The following TAFA2 variants were observed in gnomAD, a reference collection of about 807,000 sequenced individuals.
The protein encoded by TAFA2 is chemokine-like protein TAFA-2.
TAFA2 carries 7 observed loss-of-function variants against 18.8 expected under a neutral mutation model. The ratio of observed to expected loss-of-function variants is 0.37; its 90% CI spans 0.21 to 0.70. The LOEUF is 0.70. Among genes scored for constraint, TAFA2 ranks in the 30% least tolerant of loss-of-function variants. The pLI, the probability that TAFA2 is intolerant of heterozygous loss-of-function variation, is 0.53. For synonymous variants in TAFA2, 60 were observed against 54.2 expected (o/e 1.11, Z -0.47); for missense variants, 122 against 158.1 (o/e 0.77, Z 1.23).
intron 1 of TAFA2, among the ~76,000 whole-genome samples, chr12:62,166,250 G>A (rs934346053): frequency 9.2e-5 from 14 of 151,920 alleles, no homozygotes; most frequent in African/African-American, 3.1e-4. Flanking sequence ...GGCATAAATG[G>A]AAAATTTGAC....
At chr12:62,243,225 T>G (rs754911320) in intron 1 of TAFA2, among the ~76,000 whole-genome samples, 1 of 152,216 alleles carries the variant, frequency 6.6e-6, no homozygotes, top group African/African-American at 2.4e-5. Flanking sequence ...AATGTTTGAA[T>G]GTCAGGCTGC....
intron 1 of TAFA2, among the ~76,000 whole-genome samples, chr12:61,980,556 A>C (rs1246189494): frequency 6.6e-6 from 1 of 152,034 alleles, no homozygotes; most frequent in East Asian, 1.9e-4. Flanking sequence ...ATTTAGAAAA[A>C]CCCATCGTCT....
rs533575478 is a variant in TAFA2 at position 61,812,208 on chromosome 12, T to G, written c.106+55112A>C. ...AAAGCTTACTCTTACAAGAATAACT[T>G]AAACTCCCTCTGAAGGAAACTCCTA... On this transcript the variant is annotated intron_variant, in intron 2 of 4. Transcript: ENST00000416284. Among the ~76,000 whole-genome samples, 6 of 151,406 alleles carry G rather than the reference T, an allele frequency of 4.0e-5. 1 individual carries two copies. Among genetic ancestry groups the G allele is most frequent in the African/African-American group, 1.5e-4 (6 of 40,698 alleles).
chr12:62,153,801 G>A (rs546366426), intron 1 of TAFA2, among the ~76,000 whole-genome samples: 1 of 152,250 alleles, frequency 6.6e-6, no homozygotes, highest in Non-Finnish European at 1.5e-5. Context: ...TGTGCTCTTA[G>A]TCAAATCACT....
At position 61,785,127 on chromosome 12, in the gene TAFA2, C is replaced by T. The variant is rs553379998; in HGVS notation, c.107-30103G>A. Among the ~76,000 whole-genome samples, 15 of 151,644 alleles carry T rather than the reference C, an allele frequency of 9.9e-5. 1 individual carries two copies. In the South Asian group the frequency reaches 3.1e-3, roughly 32 times the overall value. On this transcript the variant is annotated intron_variant, in intron 2 of 4. Transcript: ENST00000416284. The stretch of plus-strand genomic sequence containing the variant: ...ATTCCCTCCTTCCCTCCTGCCCTTC[C>T]CAGACTCTAGTATTCTCTGTTCTAC...
intron 1 of TAFA2, among the ~76,000 whole-genome samples, chr12:61,996,681 TCTC>T (rs1880199956): frequency 6.6e-6 from 1 of 152,042 alleles, no homozygotes; most frequent in Non-Finnish European, 1.5e-5. Flanking sequence ...CTTTCACTCT[TCTC>T]CTCTTTCTCT....
intron 1 of TAFA2, among the ~76,000 whole-genome samples, chr12:62,149,902 A>G (rs1592367413): frequency 6.6e-6 from 1 of 152,160 alleles, no homozygotes; most frequent in South Asian, 2.1e-4. Context: ...TGTTGAAGAT[A>G]CCATCCATCT....
intron 1 of TAFA2, among the ~76,000 whole-genome samples, chr12:62,085,249 G>A (rs1194983591): frequency 6.6e-6 from 1 of 152,116 alleles, no homozygotes; most frequent in Non-Finnish European, 1.5e-5. Context: ...AATGAAAAGT[G>A]CATCTATTCT....
intron 1 of TAFA2, among the ~76,000 whole-genome samples, chr12:62,223,821 C>T (rs1253180790): frequency 1.3e-5 from 2 of 152,060 alleles, no homozygotes; most frequent in South Asian, 2.1e-4. Context: ...ACACTATCAA[C>T]ATAGTGTAAA....
chr12:61,749,811 C>T (rs895050129), intron 4 of TAFA2, among the ~76,000 whole-genome samples: 4 of 151,966 alleles, frequency 2.6e-5, no homozygotes, highest in Non-Finnish European at 4.4e-5. Flanking sequence ...TTATATAATA[C>T]GAAGTTAGGT....
chr12:61,747,508 A>G (rs1346044271), intron 4 of TAFA2, among the ~76,000 whole-genome samples: 1 of 148,490 alleles, frequency 6.7e-6, no homozygotes, highest in Non-Finnish European at 1.5e-5. Flanking sequence ...AATGTGGCAC[A>G]TATACACCAT....
At chr12:61,890,632 C>T (rs962397212) in intron 1 of TAFA2, among the ~76,000 whole-genome samples, 1 of 152,214 alleles carries the variant, frequency 6.6e-6, no homozygotes, top group African/African-American at 2.4e-5. Flanking sequence ...GGGTTTAGCA[C>T]ACAGTTTTTC....
intron 1 of TAFA2, among the ~76,000 whole-genome samples, chr12:62,179,350 T>G (rs1170528129): frequency 6.6e-6 from 1 of 152,144 alleles, no homozygotes; most frequent in Admixed American, 6.5e-5. Context: ...CATTATATGC[T>G]TCTATAGAAC....
intron 1 of TAFA2, among the ~76,000 whole-genome samples, chr12:62,188,311 G>A (rs1188064704): frequency 6.6e-6 from 1 of 152,138 alleles, no homozygotes; most frequent in Non-Finnish European, 1.5e-5. Context: ...CAAAACAGCT[G>A]CAGAAAAATG....
At chr12:62,085,570 A>G (rs1868416109) in intron 1 of TAFA2, among the ~76,000 whole-genome samples, 1 of 152,154 alleles carries the variant, frequency 6.6e-6, no homozygotes, top group African/African-American at 2.4e-5. Flanking sequence ...TTATTCATTC[A>G]TTCCACATTT....
intron 1 of TAFA2, among the ~76,000 whole-genome samples, chr12:62,129,053 G>A (rs185183055): frequency 2.6e-5 from 4 of 151,980 alleles, no homozygotes; most frequent in African/African-American, 7.2e-5. Flanking sequence ...GACAGTCCTC[G>A]GTAAATATTT....
chr12:62,223,105 T>C (rs1592408096), intron 1 of TAFA2, among the ~76,000 whole-genome samples: 1 of 152,320 alleles, frequency 6.6e-6, no homozygotes, highest in South Asian at 2.1e-4. Context: ...TCTATAAATT[T>C]AATGCAATCT....
chr12:62,218,018 C>T (rs1290678097), intron 1 of TAFA2, among the ~76,000 whole-genome samples: 1 of 149,610 alleles, frequency 6.7e-6, no homozygotes, highest in Non-Finnish European at 1.5e-5. Context: ...ATTTTTGAGA[C>T]AGGGTCTCAC....
At chr12:62,027,624 AC>A (rs1246717457) in intron 1 of TAFA2, among the ~76,000 whole-genome samples, 1 of 152,086 alleles carries the variant, frequency 6.6e-6, no homozygotes, top group Non-Finnish European at 1.5e-5. Flanking sequence ...AGTAAGTTGT[AC>A]CCCCTTCCTT....
Sources: allele counts gnomAD v4.1 joint callset (sites outside exome capture counted in the v4.1 genomes callset), GRCh38; gene constraint gnomAD v4.1.1; transcripts MANE v1.5; gene names NCBI Gene and HGNC (gene_info 2026-07-23, HGNC 2026-07-21).